Variants in NDFIP2 observed in about 807,000 individuals in gnomAD.
NDFIP2 encodes the protein Nedd4 family interacting protein 2, also known as NEDD4 family-interacting protein 2.
In NDFIP2, 19 loss-of-function variants were observed where a neutral mutation model predicts 36.0. The ratio of observed to expected loss-of-function variants is 0.53; its 90% CI spans 0.37 to 0.77. The LOEUF (loss-of-function observed/expected upper bound fraction) is 0.77, where lower values mean the gene tolerates loss of function less well. Among genes scored for constraint, NDFIP2 ranks in the 30% least tolerant of loss-of-function variants. The pLI is 0.00. For missense variants in NDFIP2, 446 were observed against 435.8 expected (o/e 1.02, Z -0.21); for synonymous variants, 181 against 167.7 (o/e 1.08, Z -0.61).
At chr13:79,487,045 A>G (rs962842561) in intron 1 of NDFIP2, among the ~76,000 whole-genome samples, 1 of 152,144 alleles carries the variant, frequency 6.6e-6, no homozygotes, top group Non-Finnish European at 1.5e-5. Context: ...TCTAACTTCA[A>G]ATAACATCAC....
intron 1 of NDFIP2, among the ~76,000 whole-genome samples, chr13:79,489,787 G>A (rs1009166885): frequency 6.6e-6 from 1 of 152,196 alleles, no homozygotes; most frequent in African/African-American, 2.4e-5. Flanking sequence ...ATGGCCTAGA[G>A]TGGAATGGGA....
intron 1 of NDFIP2, among the ~76,000 whole-genome samples, chr13:79,503,927 CT>C (rs773745865): frequency 2.0e-5 from 3 of 152,064 alleles, no homozygotes; most frequent in Non-Finnish European, 4.4e-5. Flanking sequence ...GAAAATTTTC[CT>C]TGTCTTCTTG....
intron 1 of NDFIP2, among the ~76,000 whole-genome samples, chr13:79,489,711 G>A (rs1249932216): frequency 2.0e-5 from 3 of 152,190 alleles, no homozygotes; most frequent in Non-Finnish European, 2.9e-5. Context: ...ATAACCTGTA[G>A]TGGAAATGAG....
At chr13:79,488,938 C>T (rs911562590) in intron 1 of NDFIP2, among the ~76,000 whole-genome samples, 12 of 152,146 alleles carry the variant, frequency 7.9e-5, no homozygotes, top group Admixed American at 2.0e-4. Context: ...CATATTAGCA[C>T]GCTTAATCCT....
At chr13:79,486,773 G>T (rs954053559) in intron 1 of NDFIP2, among the ~76,000 whole-genome samples, 3 of 152,154 alleles carry the variant, frequency 2.0e-5, no homozygotes, top group Non-Finnish European at 4.4e-5. Context: ...TTCAATGAGG[G>T]ACCTTATATA....
In NDFIP2 at chr13:79,543,447, TAAAAG is replaced by T. The variant is rs1875538236; in HGVS notation, c.716-107_716-103del. 6 of 1,387,374 alleles carry T rather than the reference TAAAAG, an allele frequency of 4.3e-6. No homozygotes were observed. In the East Asian group the frequency reaches 9.2e-5, roughly 21 times the overall value. The allele number at this position is 1,387,374 out of a possible 1,614,324, so 85.9% of individuals were successfully genotyped here. A position where few individuals can be genotyped will look rare whatever the true frequency, so the allele number is the denominator to read the frequency against. On this transcript the variant is annotated intron_variant, in intron 4 of 7. Coordinates refer to ENST00000218652, the MANE Select transcript of NDFIP2 (RefSeq NM_019080.3). ...ATAAAGAAGGCTTAATTGGCAGAGT[TAAAAG>T]AAAGGGAGCTGCTGTTTCCATTGAG...
In NDFIP2 at chr13:79,554,305, G is replaced by A. The variant is rs1876024291; in HGVS notation, c.*1792G>A. ...TAATAACATATTCAAACTCATGCTG[G>A]ATCTCTTTCATATTAATTTCTTATA... On this transcript the variant is annotated 3_prime_UTR_variant, in exon 8 of 8. Coordinates refer to ENST00000218652, the MANE Select transcript of NDFIP2 (RefSeq NM_019080.3). 1 of 151,610 alleles carries A rather than the reference G, an allele frequency of 6.6e-6. No homozygotes were observed. The allele number at this position is 151,610 out of a possible 1,614,324, so 9.4% of individuals were successfully genotyped here. A position where few individuals can be genotyped will look rare whatever the true frequency, so the allele number is the denominator to read the frequency against.
intron 3 of NDFIP2, among the ~76,000 whole-genome samples, chr13:79,536,977 C>T (rs771879248): frequency 1.3e-5 from 2 of 151,478 alleles, no homozygotes; most frequent in Admixed American, 6.6e-5. Context: ...GTAGTGATCC[C>T]GGATGAAGAC....
At chr13:79,528,845 G>A (rs1874900837) in intron 2 of NDFIP2, among the ~76,000 whole-genome samples, 1 of 152,060 alleles carries the variant, frequency 6.6e-6, no homozygotes, top group Non-Finnish European at 1.5e-5. Context: ...ACTCTATGAT[G>A]TTCCACAAAA....
At chr13:79,499,157 A>G (rs1198477185) in intron 1 of NDFIP2, among the ~76,000 whole-genome samples, 4 of 151,978 alleles carry the variant, frequency 2.6e-5, no homozygotes, top group Admixed American at 2.6e-4. Context: ...AAATCACATG[A>G]CGTATAACAG....
intron 1 of NDFIP2, among the ~76,000 whole-genome samples, chr13:79,514,768 CAAT>C (rs1182722272): frequency 1.3e-5 from 2 of 152,198 alleles, no homozygotes; most frequent in Admixed American, 6.5e-5. Context: ...TCTAGTCTGA[CAAT>C]AAAGTTTTGT....
At chr13:79,504,632 A>T (rs1295251646) in intron 1 of NDFIP2, among the ~76,000 whole-genome samples, 1 of 86,822 alleles carries the variant, frequency 1.2e-5, no homozygotes, top group Non-Finnish European at 2.2e-5. Context: ...CAGTTCTCTA[A>T]ATTTTTTTTT....
At chr13:79,510,251 T>C (rs913266668) in intron 1 of NDFIP2, among the ~76,000 whole-genome samples, 4 of 152,314 alleles carry the variant, frequency 2.6e-5, no homozygotes, top group African/African-American at 9.6e-5. Flanking sequence ...CTATTATTGC[T>C]GTGTTGTAAG....
At chr13:79,510,796 C>G (rs529143279) in intron 1 of NDFIP2, among the ~76,000 whole-genome samples, 4 of 151,816 alleles carry the variant, frequency 2.6e-5, no homozygotes, top group Non-Finnish European at 4.4e-5. Context: ...GTCAGGAGTT[C>G]GAGACCAGCC....
At chr13:79,481,669 G>GATCTACA in intron 1 of NDFIP2, 145 bp downstream of exon 1, 2 of 1,031,502 alleles carry the variant, frequency 1.9e-6, no homozygotes, top group Admixed American at 2.9e-5. Context: ...TCTGGCTGGA[G>GATCTACA]CTGCTTCACT....
chr13:79,485,006 CG>C (rs1872909232), intron 1 of NDFIP2, among the ~76,000 whole-genome samples: 1 of 152,060 alleles, frequency 6.6e-6, no homozygotes, highest in South Asian at 2.1e-4. Flanking sequence ...TAATGTTTCA[CG>C]GTTTCTGGCA....
chr13:79,533,507 A>G (rs200618149), intron 3 of NDFIP2, 51 bp downstream of exon 3: 85 of 1,495,592 alleles, frequency 5.7e-5, no homozygotes, highest in Non-Finnish European at 7.2e-5. Flanking sequence ...GTTAATTGAT[A>G]TATACATTTA....
chr13:79,552,372 T>C (rs999220661), intron 7 of NDFIP2, 144 bp from the exon 8 acceptor site: 6 of 151,564 alleles, frequency 4.0e-5, no homozygotes, highest in Non-Finnish European at 8.9e-5. Context: ...CCTTACACTT[T>C]AGAATGTATT....
intron 1 of NDFIP2, among the ~76,000 whole-genome samples, chr13:79,513,615 C>G (rs1309956244): frequency 1.3e-5 from 2 of 151,922 alleles, no homozygotes; most frequent in Non-Finnish European, 2.9e-5. Flanking sequence ...CAGGGAGCAG[C>G]GTCCTGGAAG....
Sources: allele counts gnomAD v4.1 joint callset (sites outside exome capture counted in the v4.1 genomes callset), GRCh38; gene constraint gnomAD v4.1.1; transcripts MANE v1.5; gene names NCBI Gene and HGNC (gene_info 2026-07-23, HGNC 2026-07-21).